EEIG1: variants seen among roughly 807,000 people sequenced by gnomAD.
The protein encoded by EEIG1 is estrogen-induced osteoclastogenesis regulator 1.
the EEIG1 span, among the ~76,000 whole-genome samples, chr9:127,948,624 G>A: frequency 6.6e-6 from 1 of 152,254 alleles, no homozygotes; most frequent in African/African-American, 2.4e-5. Context: ...ACCAAGGCCT[G>A]CCTGGCAGAC....
the EEIG1 span, among the ~76,000 whole-genome samples, chr9:127,963,976 G>C: frequency 6.6e-6 from 1 of 152,030 alleles, no homozygotes; most frequent in Non-Finnish European, 1.5e-5. Flanking sequence ...CATCAGAGCC[G>C]GGACCTCAGG....
chr9:127,973,956 C>T, the EEIG1 span, among the ~76,000 whole-genome samples: 1 of 152,198 alleles, frequency 6.6e-6, no homozygotes. The surrounding 1 kb of genome is among the most constrained non-coding windows in gnomAD (Gnocchi z 4.2). Context: ...CGCCGCCACA[C>T]AGCACTGCTG....
At chr9:127,956,707 G>A in the EEIG1 span, among the ~76,000 whole-genome samples, 3 of 150,078 alleles carry the variant, frequency 2.0e-5, no homozygotes, top group East Asian at 4.0e-4. Flanking sequence ...CACCACACCC[G>A]GCCATTATTA....
At chr9:127,976,542 CA>C in the EEIG1 span, among the ~76,000 whole-genome samples, 1 of 152,224 alleles carries the variant, frequency 6.6e-6, no homozygotes, top group East Asian at 1.9e-4. This position sits in a 1 kb window ranked among gnomAD's most constrained non-coding sequence, Gnocchi z 4.1. Flanking sequence ...ATGGAAATAC[CA>C]GTTGCAAAAC....
chr9:127,949,118 A>T, the EEIG1 span, among the ~76,000 whole-genome samples: 799 of 152,200 alleles, frequency 5.2e-3, 3 homozygotes, highest in Non-Finnish European at 8.6e-3. Context: ...GCTCGAGACC[A>T]TCCTGGCTAA....
At chr9:127,960,281 G>C in the EEIG1 span, among the ~76,000 whole-genome samples, 2 of 152,190 alleles carry the variant, frequency 1.3e-5, no homozygotes, top group Admixed American at 6.5e-5. Context: ...TTGGCAGGTA[G>C]AAAACTAGTG....
At chr9:127,945,924 G>C in the EEIG1 span, among the ~76,000 whole-genome samples, 1 of 152,218 alleles carries the variant, frequency 6.6e-6, no homozygotes, top group African/African-American at 2.4e-5. The surrounding 1 kb of genome is among the most constrained non-coding windows in gnomAD (Gnocchi z 6.5). Context: ...GTCACCCTCC[G>C]AACCCAGGTC....
At chr9:127,953,742 G>C in the EEIG1 span, 5 of 1,612,804 alleles carry the variant, frequency 3.1e-6, no homozygotes, top group Non-Finnish European at 4.2e-6. Flanking sequence ...CTGGGGGTGC[G>C]GACTCATGAG....
At chr9:127,980,090 G>C in the EEIG1 span, 1 of 1,613,816 alleles carries the variant, frequency 6.2e-7, no homozygotes, top group African/African-American at 1.3e-5. Flanking sequence ...CCTCCAGGGT[G>C]AAAGTAGTTT....
chr9:127,951,000 G>C, the EEIG1 span, among the ~76,000 whole-genome samples: 8 of 152,326 alleles, frequency 5.3e-5, no homozygotes, highest in East Asian at 1.5e-3. Flanking sequence ...GGATGAGCAG[G>C]AGCCCCAGGG....
At chr9:127,956,441 G>T in the EEIG1 span, among the ~76,000 whole-genome samples, 4 of 152,050 alleles carry the variant, frequency 2.6e-5, no homozygotes, top group Non-Finnish European at 4.4e-5. Context: ...ATGGAGTTTC[G>T]CTCTCGTTGC....
At chr9:127,965,699 G>C in the EEIG1 span, among the ~76,000 whole-genome samples, 5 of 152,230 alleles carry the variant, frequency 3.3e-5, no homozygotes, top group Non-Finnish European at 7.3e-5. Context: ...GCCCAGGCCA[G>C]AGAGCGAGAG....
At chr9:127,976,312 T>A in the EEIG1 span, among the ~76,000 whole-genome samples, 1 of 152,184 alleles carries the variant, frequency 6.6e-6, no homozygotes, top group Non-Finnish European at 1.5e-5. The surrounding 1 kb of genome is among the most constrained non-coding windows in gnomAD (Gnocchi z 4.1). Context: ...CACCTGTAAG[T>A]GGGGTAATGC....
the EEIG1 span, chr9:127,944,746 G>A: frequency 9.3e-6 from 15 of 1,611,438 alleles, 1 homozygote; most frequent in Middle Eastern, 2.3e-3. Context: ...GGAGCAGGTG[G>A]CCTCGCCCCC....
At chr9:127,965,106 C>CAAAAAAAAAA in the EEIG1 span, among the ~76,000 whole-genome samples, 2 of 69,722 alleles carry the variant, frequency 2.9e-5, no homozygotes, top group African/African-American at 5.6e-5. Flanking sequence ...AAGACTGTCT[C>CAAAAAAAAAA]AAAAAAAAAA....
At chr9:127,974,648 C>T in the EEIG1 span, among the ~76,000 whole-genome samples, 114 of 152,322 alleles carry the variant, frequency 7.5e-4, no homozygotes, top group African/African-American at 2.7e-3. Flanking sequence ...AAATGCCTCC[C>T]CAGCTGCCTG....
the EEIG1 span, among the ~76,000 whole-genome samples, chr9:127,969,043 G>C: frequency 6.6e-6 from 1 of 152,232 alleles, no homozygotes. Context: ...CCTTGGTCTT[G>C]CCTGTATCCA....
the EEIG1 span, among the ~76,000 whole-genome samples, chr9:127,954,409 T>C: frequency 3.3e-5 from 5 of 152,220 alleles, no homozygotes; most frequent in African/African-American, 1.2e-4. Context: ...AGCCAGTAGA[T>C]AGCTGAGCTG....
the EEIG1 span, among the ~76,000 whole-genome samples, chr9:127,951,894 C>A: frequency 2.6e-5 from 4 of 152,180 alleles, no homozygotes; most frequent in African/African-American, 9.6e-5. Context: ...AACAGCTAAC[C>A]CAACAGAGAC....
Sources: gnomAD v4.1 joint callset for allele counts (sites outside exome capture counted in the v4.1 genomes callset) on GRCh38, gnomAD v4.1.1 for gene constraint, Gnocchi (gnomAD v3.1) non-coding constraint, MANE v1.5 for transcripts, NCBI Gene and HGNC (gene_info 2026-07-23, HGNC 2026-07-21) for gene names.